The following MED12L variants were observed in gnomAD, a reference collection of about 807,000 sequenced individuals.
MED12L encodes mediator of RNA polymerase II transcription subunit 12-like protein.
A neutral mutation model predicts 281.3 loss-of-function variants in MED12L; 60 were observed. The observed-to-expected ratio is 0.21, with a 90% CI of 0.17 to 0.26. MED12L has a LOEUF of 0.26. Ranked by LOEUF, MED12L falls within the 10% of genes least tolerant of loss-of-function variation. The probability of loss-of-function intolerance (pLI) is 1.00; values close to 1 mark genes in which losing one functional copy is unlikely to be tolerated. For synonymous variants in MED12L, 974 were observed against 987.2 expected (o/e 0.99, Z 0.25); for missense variants, 2,146 against 2,680.9 (o/e 0.80, Z 4.41).
At position 151,089,755 on chromosome 3, in the gene MED12L, T is replaced by C. The variant is rs145668822; in HGVS notation, c.99+2730T>C. ...TATTTTTTTGAGAGCTTGCTGTGCA[T>C]CAGCATCCTGTAGGACTTCATTATA... is the stretch of plus-strand genomic sequence containing the variant. On this transcript the variant is annotated intron_variant, in intron 2 of 44. Coordinates refer to ENST00000687756, the MANE Select transcript of MED12L (RefSeq NM_001393769.1). Among the ~76,000 whole-genome samples the C allele has an allele frequency of 1.1e-3, 161 of 152,222 alleles. 1 individual carries two copies. Among genetic ancestry groups the C allele is most frequent in the African/African-American group, 3.8e-3 (158 of 41,528 alleles).
At chr3:151,113,839 A>G (rs1712309309) in intron 2 of MED12L, among the ~76,000 whole-genome samples, 1 of 152,192 alleles carries the variant, frequency 6.6e-6, no homozygotes, top group Non-Finnish European at 1.5e-5. Flanking sequence ...GTTGGATACA[A>G]TGAGCAGCTA....
At chr3:151,237,585 A>G (rs1159861566) in intron 16 of MED12L, among the ~76,000 whole-genome samples, 1 of 147,498 alleles carries the variant, frequency 6.8e-6, no homozygotes, top group Non-Finnish European at 1.5e-5. Flanking sequence ...TCCTGACCTC[A>G]GGTGATCTGC....
chr3:151,410,506 G>A (rs747349035), intron 40 of MED12L, among the ~76,000 whole-genome samples: 18 of 152,218 alleles, frequency 1.2e-4, no homozygotes, highest in Admixed American at 3.3e-4. Context: ...AGGATTTGAA[G>A]AGCAATGTTG....
At chr3:151,298,949 A>T (rs1252426678) in intron 16 of MED12L, among the ~76,000 whole-genome samples, 2 of 152,234 alleles carry the variant, frequency 1.3e-5, no homozygotes, top group African/African-American at 4.8e-5. Flanking sequence ...TCTATTTGAC[A>T]ATGCTGGTTT....
chr3:151,213,419 G>C, intron 16 of MED12L: 1 of 1,614,080 alleles, frequency 6.2e-7, no homozygotes, highest in Non-Finnish European at 8.5e-7. Flanking sequence ...CTAAACGGCT[G>C]GCATAGAAAG....
At chr3:151,346,366 C>T (rs1446449437) in intron 16 of MED12L, among the ~76,000 whole-genome samples, 3 of 152,152 alleles carry the variant, frequency 2.0e-5, no homozygotes, top group Admixed American at 6.5e-5. Flanking sequence ...ATCTTCATAA[C>T]GCTCTTTCCT....
At chr3:151,338,033 A>G (rs2149929354) in intron 16 of MED12L, 10 of 1,614,172 alleles carry the variant, frequency 6.2e-6, no homozygotes, top group Non-Finnish European at 6.8e-6. Context: ...TATTTTCAGC[A>G]GTGCAGTCAA....
rs550637895 is a variant in MED12L, at chr3:151,164,910, A to G, written c.1258-510A>G. Among the ~76,000 whole-genome samples the G allele has an allele frequency of 1.2e-4, 19 of 152,232 alleles. 1 individual carries two copies. The South Asian group carries it at 3.9e-3, about 32-fold the overall frequency. On this transcript the variant is annotated intron_variant, in intron 9 of 44. Coordinates refer to ENST00000687756, the MANE Select transcript of MED12L (RefSeq NM_001393769.1). ...GAGATATACCTAATGTTAAACGATGAGTTAATGGGTGCAGCACACCAACAT... is the reference window on the plus strand; with the variant it reads ...GAGATATACCTAATGTTAAACGATGGGTTAATGGGTGCAGCACACCAACAT...
rs751942176 is a variant in MED12L at position 151,213,842 on chromosome 3, GAAT to G, written c.2250+20181_2250+20183del. The G allele has an allele frequency of 5.0e-6, 8 of 1,613,964 alleles. No individual in the cohort carries two copies. The South Asian group carries it at 8.8e-5, about 18-fold the overall frequency. Reference sequence around the variant, plus strand: ...ACCTCCCTAACACTCTGGTTGGTGAGAATAATATTTGGAACAGCAAGGAGGAGC... The same window carrying G: ...ACCTCCCTAACACTCTGGTTGGTGAGAATATTTGGAACAGCAAGGAGGAGC... On this transcript the variant is annotated intron_variant, in intron 16 of 44. Transcript: ENST00000687756.
intron 5 of MED12L, among the ~76,000 whole-genome samples, chr3:151,152,602 A>G (rs1718709385): frequency 1.3e-5 from 2 of 152,162 alleles, no homozygotes; most frequent in South Asian, 4.1e-4. Context: ...GATGGTGATA[A>G]TAGCTACCAC....
intron 44 of MED12L, among the ~76,000 whole-genome samples, chr3:151,431,333 G>A (rs888007838): frequency 3.3e-5 from 5 of 152,202 alleles, no homozygotes; most frequent in Non-Finnish European, 5.9e-5. Flanking sequence ...AACAGGTCAT[G>A]TAATTACTGA....
chr3:151,255,573 A>C (rs1737665769), intron 16 of MED12L, among the ~76,000 whole-genome samples: 2 of 152,198 alleles, frequency 1.3e-5, no homozygotes, highest in Middle Eastern at 3.4e-3. Context: ...AACTGAACAC[A>C]CGCGATTTTT....
Position 151,300,022 on chromosome 3 carries a change from C to T in MED12L, c.2251-50037C>T, listed in dbSNP as rs191661189. ...ATTCCCAAACAGTGGAAATAATAGT[C>T]ATCAATAAAGTAAGATTTTCTTTGT... On this transcript the variant is annotated intron_variant, in intron 16 of 44. Transcript: ENST00000687756. The T allele has an allele frequency of 2.2e-3, 2,942 of 1,324,992 alleles. 6 individuals are homozygous for T. The highest frequency in any genetic ancestry group is 2.9e-3 in the Non-Finnish European group (2,614 of 915,986). The allele number at this position is 1,324,992 out of a possible 1,614,324, so 82.1% of individuals were successfully genotyped here. A position where few individuals can be genotyped will look rare whatever the true frequency, so the allele number is the denominator to read the frequency against.
intron 16 of MED12L, among the ~76,000 whole-genome samples, chr3:151,254,420 T>A (rs1737430370): frequency 6.6e-6 from 1 of 152,230 alleles, no homozygotes; most frequent in African/African-American, 2.4e-5. Context: ...AGGGGAAACC[T>A]TGCTGTCTTG....
intron 11 of MED12L, among the ~76,000 whole-genome samples, chr3:151,171,511 C>T (rs1034364842): frequency 2.0e-5 from 3 of 152,206 alleles, no homozygotes; most frequent in Non-Finnish European, 4.4e-5. Flanking sequence ...GAACCGGCTG[C>T]ACTGGACAGA....
intron 16 of MED12L, among the ~76,000 whole-genome samples, chr3:151,246,864 C>T (rs1296099132): frequency 6.6e-6 from 1 of 152,148 alleles, no homozygotes; most frequent in Non-Finnish European, 1.5e-5. Flanking sequence ...TTTTCGCAAC[C>T]TACTCATCTG....
intron 16 of MED12L, among the ~76,000 whole-genome samples, chr3:151,247,962 C>CTTCT (rs1314747790): frequency 3.0e-4 from 23 of 75,902 alleles, no homozygotes; most frequent in Non-Finnish European, 4.4e-4. Context: ...TCTTCTTCTT[C>CTTCT]TTTTTTTTTT....
intron 16 of MED12L, chr3:151,294,364 G>A (rs1467284593): frequency 1.2e-6 from 2 of 1,613,942 alleles, no homozygotes; most frequent in African/African-American, 2.7e-5. Context: ...TTTCTTTGCA[G>A]TAATATAGGA....
At chr3:151,108,686 G>T (rs1006716010) in intron 2 of MED12L, among the ~76,000 whole-genome samples, 2 of 152,070 alleles carry the variant, frequency 1.3e-5, no homozygotes, top group Non-Finnish European at 2.9e-5. Flanking sequence ...TCATTGAATC[G>T]TCATGGAACT....
Sources: gnomAD v4.1 joint callset for allele counts (sites outside exome capture counted in the v4.1 genomes callset) on GRCh38, gnomAD v4.1.1 for gene constraint, MANE v1.5 for transcripts, NCBI Gene and HGNC (gene_info 2026-07-23, HGNC 2026-07-21) for gene names.